Variants in SLC66A3 observed in about 807,000 individuals in gnomAD.
The protein encoded by SLC66A3 is PQ loop repeat containing 3.
In SLC66A3, 23 loss-of-function variants were observed where a neutral mutation model predicts 25.5. The observed-to-expected ratio is 0.90, with a 90% confidence interval of 0.65 to 1.28. The LOEUF is 1.28. Ranked by LOEUF, SLC66A3 falls within the 50% of genes most tolerant of loss-of-function variation. SLC66A3 has a pLI of 0.00. For missense variants in SLC66A3, 246 were observed against 262.1 expected, an observed-to-expected ratio of 0.94 and a Z score of 0.42; for synonymous variants, 108 against 112.6, an observed-to-expected ratio of 0.96 and a Z score of 0.26.
chr2:11,167,723 C>G (rs1662393716), intron 4 of SLC66A3, among the ~76,000 whole-genome samples: 2 of 152,112 alleles, frequency 1.3e-5, no homozygotes, highest in Non-Finnish European at 2.9e-5. Flanking sequence ...TGGCCCAGAT[C>G]TGAGGGTCGT....
rs778665036 is a variant in SLC66A3 at position 11,155,657 on chromosome 2, C to T, written c.111C>T (p.Leu37=). 5.0e-5 allele frequency: 74 copies of T among 1,481,764 alleles called. No individual in the cohort carries two copies. Among genetic ancestry groups the T allele is most frequent in the Non-Finnish European group, 6.3e-5 (71 of 1,124,092 alleles). 91.8% of individuals were successfully genotyped at this position (1,481,764 alleles called of 1,614,324 possible). ...AVLAARSARG[L]SLPSLLLELA... ...TAGCGGCGCGCAGCGCGCGGGGCCT[C>T]AGCCTTCCGAGTTTACTTCTGGAGC... Residue 37 remains leucine (L), a synonymous_variant, in exon 1 of 7, where the codon CTC becomes CTT. Coordinates refer to ENST00000295083, the MANE Select transcript of SLC66A3 (RefSeq NM_152391.5).
rs186195596 is a variant in SLC66A3 at position 11,158,858 on chromosome 2, T to C, written c.144-1608T>C. On this transcript the variant is annotated intron_variant, in intron 1 of 6. Coordinates refer to ENST00000295083, the MANE Select transcript of SLC66A3 (RefSeq NM_152391.5). ...ATTAAAAACTAAAGGAAAGACACTG[T>C]CCCCACCCCACCTCCCCAGGCTGCA... is the stretch of plus-strand genomic sequence containing the variant. 7.0e-3 allele frequency among the ~76,000 whole-genome samples: 1,065 copies of C among 152,210 alleles called. 14 individuals carry two copies. The highest frequency in any genetic ancestry group is 0.024 in the African/African-American group (1,008 of 41,518).
intron 6 of SLC66A3, among the ~76,000 whole-genome samples, chr2:11,176,914 TTATC>T (rs1288372822): frequency 1.3e-5 from 2 of 152,238 alleles, no homozygotes; most frequent in South Asian, 2.1e-4. Flanking sequence ...TTAAACCTAT[TTATC>T]AGGAGTGTAT....
chr2:11,166,983 G>A (rs887275771), intron 4 of SLC66A3, among the ~76,000 whole-genome samples: 1 of 152,214 alleles, frequency 6.6e-6, no homozygotes, highest in African/African-American at 2.4e-5. Flanking sequence ...TAGATGTCCT[G>A]TATTTTTGTT....
At chr2:11,175,345 A>G (rs1298017561) in intron 6 of SLC66A3, among the ~76,000 whole-genome samples, 1 of 152,240 alleles carries the variant, frequency 6.6e-6, no homozygotes, top group African/African-American at 2.4e-5. Context: ...ATGAGCATCT[A>G]AGGAGAACCT....
chr2:11,174,736 G>C (rs1199700250), intron 5 of SLC66A3, among the ~76,000 whole-genome samples: 1 of 152,122 alleles, frequency 6.6e-6, no homozygotes, highest in Admixed American at 6.5e-5. Flanking sequence ...CCTGACCTCA[G>C]GTGATCCGGC....
At chr2:11,175,820 G>A (rs1405700325) in intron 6 of SLC66A3, among the ~76,000 whole-genome samples, 1 of 152,208 alleles carries the variant, frequency 6.6e-6, no homozygotes, top group East Asian at 1.9e-4. Flanking sequence ...AACAGATGGT[G>A]TCACCTGTGA....
At chr2:11,174,685 CA>C in intron 5 of SLC66A3, among the ~76,000 whole-genome samples, 5 of 151,600 alleles carry the variant, frequency 3.3e-5, no homozygotes, top group Admixed American at 2.0e-4. Context: ...TCAGTAGAGA[CA>C]GACAGGGTTT....
intron 5 of SLC66A3, among the ~76,000 whole-genome samples, chr2:11,173,346 G>A (rs1177300033): frequency 6.6e-6 from 1 of 152,152 alleles, no homozygotes; most frequent in Non-Finnish European, 1.5e-5. Flanking sequence ...TTTTAATTGG[G>A]TCATTTGAGT....
intron 4 of SLC66A3, among the ~76,000 whole-genome samples, chr2:11,164,790 C>T (rs1662259251): frequency 6.6e-6 from 1 of 152,062 alleles, no homozygotes; most frequent in Admixed American, 6.6e-5. Context: ...ACATCTTGCA[C>T]CGCCCTTAAT....
At chr2:11,164,842 A>G (rs1662261282) in intron 4 of SLC66A3, among the ~76,000 whole-genome samples, 1 of 152,168 alleles carries the variant, frequency 6.6e-6, no homozygotes, top group Non-Finnish European at 1.5e-5. Flanking sequence ...TTCAGAGAGC[A>G]CTGGGTTGGG....
At chr2:11,168,084 T>A (rs985679287) in intron 4 of SLC66A3, among the ~76,000 whole-genome samples, 1 of 151,990 alleles carries the variant, frequency 6.6e-6, no homozygotes, top group Admixed American at 6.5e-5. Context: ...ATCAAGACCA[T>A]CCTGGCTAAC....
intron 4 of SLC66A3, among the ~76,000 whole-genome samples, chr2:11,164,953 C>T (rs2147990714): frequency 6.6e-6 from 1 of 152,354 alleles, no homozygotes; most frequent in South Asian, 2.1e-4. Context: ...ACAGACACAG[C>T]AACAATCTGA....
At chr2:11,173,300 C>G (rs1018128826) in intron 5 of SLC66A3, among the ~76,000 whole-genome samples, 2 of 152,086 alleles carry the variant, frequency 1.3e-5, no homozygotes, top group Admixed American at 1.3e-4. Flanking sequence ...TGTATGTTTT[C>G]TTTGGAGAAA....
chr2:11,169,696 C>T (rs931638558), intron 4 of SLC66A3, among the ~76,000 whole-genome samples: 4 of 152,222 alleles, frequency 2.6e-5, no homozygotes, highest in Non-Finnish European at 4.4e-5. Context: ...TCTCCAACCT[C>T]GCGTGTCCAG....
intron 6 of SLC66A3, among the ~76,000 whole-genome samples, chr2:11,175,890 A>G (rs1051940735): frequency 1.3e-5 from 2 of 152,212 alleles, no homozygotes; most frequent in Admixed American, 6.5e-5. Context: ...TATTTGAGAA[A>G]TAGTGCTTCA....
chr2:11,163,456 C>T (rs1039220631), intron 3 of SLC66A3, among the ~76,000 whole-genome samples: 1 of 152,220 alleles, frequency 6.6e-6, no homozygotes, highest in Non-Finnish European at 1.5e-5. Context: ...TGACTTTTAG[C>T]ACAGGGCATT....
At position 11,166,943 on chromosome 2, in the gene SLC66A3, T is replaced by G. The variant is rs550310283; in HGVS notation, c.354+2682T>G. ...GGGACATACTTGTACTAAAACATTA[T>G]TTGTTGTTGTTCTGAAATTTAAATT... is the stretch of plus-strand genomic sequence containing the variant. On this transcript the variant is annotated intron_variant, in intron 4 of 6. Coordinates refer to ENST00000295083, the MANE Select transcript of SLC66A3 (RefSeq NM_152391.5). Among the ~76,000 whole-genome samples the G allele has an allele frequency of 2.4e-4, 37 of 152,236 alleles. No homozygotes were observed. The South Asian group carries it at 7.0e-3, about 29-fold the overall frequency.
intron 1 of SLC66A3, chr2:11,160,193 A>T (rs1662066183): frequency 1.9e-6 from 1 of 524,652 alleles, no homozygotes; most frequent in African/African-American, 1.9e-5. Context: ...TTCTGTAAAA[A>T]TCCTTTGTAA....
Sources: allele counts gnomAD v4.1 joint callset (sites outside exome capture counted in the v4.1 genomes callset), GRCh38; gene constraint gnomAD v4.1.1; transcripts MANE v1.5; gene names NCBI Gene and HGNC (gene_info 2026-07-23, HGNC 2026-07-21).